Variants in WSB2 observed in about 807,000 individuals in gnomAD.
WSB2 encodes the protein WD repeat and SOCS box containing 2.
A neutral mutation model predicts 48.8 loss-of-function variants in WSB2; 12 were observed. The ratio of observed to expected loss-of-function variants is 0.25; its 90% CI spans 0.16 to 0.40. The LOEUF (loss-of-function observed/expected upper bound fraction) is 0.40, where lower values mean the gene tolerates loss of function less well. Ranked by LOEUF, WSB2 falls within the 10% of genes least tolerant of loss-of-function variation. The pLI, the probability that WSB2 is intolerant of heterozygous loss-of-function variation, is 1.00. For synonymous variants in WSB2, 191 were observed against 203.1 expected, an observed-to-expected ratio of 0.94 and a Z score of 0.51; for missense variants, 317 against 506.2, an observed-to-expected ratio of 0.63 and a Z score of 3.59.
chr12:118,045,220 C>T (rs904778773), intron 2 of WSB2, among the ~76,000 whole-genome samples: 5 of 151,724 alleles, frequency 3.3e-5, no homozygotes, highest in African/African-American at 7.3e-5. Flanking sequence ...AAAAATTAGC[C>T]GGGCGTGGTG....
At chr12:118,034,925 A>G in intron 8 of WSB2, 61 bp downstream of exon 8, 1 of 1,500,824 alleles carries the variant, frequency 6.7e-7, no homozygotes, top group Non-Finnish European at 9.1e-7. Flanking sequence ...CTTTCCTTAA[A>G]AAGCTCCATG....
chr12:118,036,542 A>G (rs2031515487), intron 5 of WSB2, 32 bp from the exon 6 acceptor site: 1 of 1,589,296 alleles, frequency 6.3e-7, no homozygotes, highest in Non-Finnish European at 8.6e-7. Context: ...TGGTTAGGGC[A>G]GAAGCAAAGT....
At chr12:118,047,624 G>A (rs1379085197) in intron 2 of WSB2, among the ~76,000 whole-genome samples, 2 of 152,138 alleles carry the variant, frequency 1.3e-5, no homozygotes, top group Non-Finnish European at 2.9e-5. Flanking sequence ...GAGGTGGGAG[G>A]ATCACTTGAG....
chr12:118,045,364 CAAA>C (rs556626593), intron 2 of WSB2, among the ~76,000 whole-genome samples: 1 of 129,604 alleles, frequency 7.7e-6, no homozygotes. Flanking sequence ...GACTCCATCT[CAAA>C]AAAAAAAAAG....
upstream of WSB2, chr12:118,062,108 C>T (rs1288300333): frequency 1.3e-6 from 2 of 1,535,356 alleles, no homozygotes; most frequent in African/African-American, 1.4e-5. Context: ...CCTACGGCGA[C>T]AGCCTCGCCT....
At chr12:118,055,924 T>A (rs1380993310) in intron 1 of WSB2, among the ~76,000 whole-genome samples, 9 of 146,452 alleles carry the variant, frequency 6.1e-5, no homozygotes, top group Admixed American at 2.7e-4. Flanking sequence ...TTTTTTTTTT[T>A]AAATCTCCCA....
chr12:118,056,666 C>G (rs781118957), intron 1 of WSB2, among the ~76,000 whole-genome samples: 1 of 152,136 alleles, frequency 6.6e-6, no homozygotes, highest in Non-Finnish European at 1.5e-5. Flanking sequence ...TTTGGGAGGC[C>G]GAGGCAGGCA....
chr12:118,062,151 G>T (rs77531942), upstream of WSB2: 1 of 1,535,352 alleles, frequency 6.5e-7, no homozygotes, highest in East Asian at 2.4e-5. Context: ...TGCTCTCCCT[G>T]TCTACCCGCA....
Position 118,035,096 on chromosome 12 carries a change from G to C in WSB2, c.945-3C>G. 6.2e-7 allele frequency: 1 copy of C among 1,614,152 alleles called. No homozygotes were observed. Among genetic ancestry groups the C allele is most frequent in the Non-Finnish European group, 8.5e-7 (1 of 1,179,984 alleles). On this transcript the variant is annotated splice_polypyrimidine_tract_variant and splice_region_variant and intron_variant, in intron 7 of 8. Coordinates refer to ENST00000315436, the MANE Select transcript of WSB2 (RefSeq NM_018639.5). ...CCAGGGCCCAGATCCTGAGGAGTCT[G>C]GATGGGGAGAGAGAACATCTGGATA...
rs553327958 is a variant in WSB2 at position 118,051,351 on chromosome 12, A to G, written c.182+959T>C. Among the ~76,000 whole-genome samples the G allele has an allele frequency of 6.6e-5, 10 of 152,368 alleles. 1 individual carries two copies. The South Asian group carries it at 2.1e-3, about 32-fold the overall frequency. Reference sequence around the variant, plus strand: ...AAATGTTCATAGCAGCACTATTTGTAATAACCAAAACATGAAAACAACCCA... The same window carrying G: ...AAATGTTCATAGCAGCACTATTTGTGATAACCAAAACATGAAAACAACCCA... On this transcript the variant is annotated intron_variant, in intron 2 of 8. Transcript: ENST00000315436.
At chr12:118,043,496 G>T (rs966562197) in intron 2 of WSB2, 119 bp from the exon 3 acceptor site, 1 of 1,439,542 alleles carries the variant, frequency 6.9e-7, no homozygotes, top group South Asian at 1.4e-5. Flanking sequence ...CCAAGCTGGC[G>T]TACAGTGACA....
At chr12:118,034,900 A>T (rs2031470670) in intron 8 of WSB2, 86 bp downstream of exon 8, 2 of 1,341,336 alleles carry the variant, frequency 1.5e-6, no homozygotes, top group Non-Finnish European at 1.0e-6. Context: ...TAGGCAAGAA[A>T]ATTCTAGATG....
chr12:118,048,636 A>G lies in WSB2; in HGVS notation c.182+3674T>C, dbSNP rs774951819. On this transcript the variant is annotated intron_variant, in intron 2 of 8. Transcript: ENST00000315436. ...CAAAACCAGTAACTTCTCACTTAAC[A>G]TATGAAACAATAACACTTTGCTCAT... Among the ~76,000 whole-genome samples, 188 of 152,260 alleles carry G rather than the reference A, an allele frequency of 1.2e-3. 1 individual carries two copies. Among genetic ancestry groups the G allele is most frequent in the Middle Eastern group, 6.8e-3 (2 of 294 alleles).
intron 1 of WSB2, among the ~76,000 whole-genome samples, chr12:118,057,805 G>C (rs1239167867): frequency 2.0e-5 from 3 of 149,606 alleles, no homozygotes; most frequent in Non-Finnish European, 3.0e-5. Flanking sequence ...CCCAGGCTGG[G>C]GTGCAGTGGC....
chr12:118,040,518 T>C (rs1566137431), intron 4 of WSB2, among the ~76,000 whole-genome samples: 1 of 152,088 alleles, frequency 6.6e-6, no homozygotes, highest in African/African-American at 2.4e-5. Context: ...CCCAGCACTT[T>C]GGGAGGCCGA....
chr12:118,044,612 C>G (rs1022192407), intron 2 of WSB2, among the ~76,000 whole-genome samples: 3 of 152,106 alleles, frequency 2.0e-5, no homozygotes, highest in African/African-American at 7.2e-5. Flanking sequence ...GTAGAGGTAT[C>G]CTGTCCTGGA....
intron 2 of WSB2, 23 bp downstream of exon 2, chr12:118,052,287 G>T: frequency 6.2e-7 from 1 of 1,606,900 alleles, no homozygotes; most frequent in Non-Finnish European, 8.5e-7. Context: ...CGCCGGATGG[G>T]GCCCCAGTAC....
chr12:118,048,553 C>A (rs1251362880), intron 2 of WSB2, among the ~76,000 whole-genome samples: 1 of 150,128 alleles, frequency 6.7e-6, no homozygotes, highest in East Asian at 2.0e-4. Flanking sequence ...CCACTACACT[C>A]TGGCCTGGAT....
At chr12:118,042,253 C>G (rs536808580) in intron 4 of WSB2, among the ~76,000 whole-genome samples, 38 of 152,324 alleles carry the variant, frequency 2.5e-4, no homozygotes, top group Non-Finnish European at 4.7e-4. Flanking sequence ...ACAGGGACTT[C>G]TAGATCAGTG....
Sources: gnomAD v4.1 joint callset for allele counts (sites outside exome capture counted in the v4.1 genomes callset) on GRCh38, gnomAD v4.1.1 for gene constraint, MANE v1.5 for transcripts, NCBI Gene and HGNC (gene_info 2026-07-23, HGNC 2026-07-21) for gene names.